The following LSAMP variants were observed in gnomAD, a reference collection of about 807,000 sequenced individuals.
The protein encoded by LSAMP is limbic system-associated membrane protein.
LSAMP carries 7 observed loss-of-function variants against 38.6 expected under a neutral mutation model. The observed-to-expected ratio is 0.18, with a 90% confidence interval of 0.10 to 0.34. LSAMP has a LOEUF of 0.34. LSAMP is among the 10% of genes least tolerant of loss of function. LSAMP has a pLI of 1.00. For missense variants in LSAMP, 313 were observed against 420.0 expected (o/e 0.75, Z 2.23); for synonymous variants, 154 against 166.8 (o/e 0.92, Z 0.59).
At chr3:116,435,196 G>A (rs1161174066) in intron 1 of LSAMP, among the ~76,000 whole-genome samples, 2 of 152,072 alleles carry the variant, frequency 1.3e-5, no homozygotes, top group Non-Finnish European at 2.9e-5. Context: ...CTATAGCTTT[G>A]GTACAGAGCT....
At chr3:116,330,098 G>C (rs779536281) in intron 1 of LSAMP, among the ~76,000 whole-genome samples, 31 of 152,100 alleles carry the variant, frequency 2.0e-4, no homozygotes, top group Non-Finnish European at 4.0e-4. Context: ...AGAGGATTCT[G>C]GGAAGATGGC....
chr3:116,177,797 C>T (rs921554960), intron 1 of LSAMP, among the ~76,000 whole-genome samples: 2 of 152,034 alleles, frequency 1.3e-5, no homozygotes, highest in Non-Finnish European at 2.9e-5. Flanking sequence ...TTATTGAGCA[C>T]CTACTATAGG....
intron 1 of LSAMP, among the ~76,000 whole-genome samples, chr3:116,407,825 C>G (rs1189410004): frequency 2.0e-5 from 3 of 152,064 alleles, no homozygotes; most frequent in East Asian, 1.9e-4. Flanking sequence ...TTCTTAACTC[C>G]AGACCCAACT....
intron 1 of LSAMP, among the ~76,000 whole-genome samples, chr3:116,420,939 G>A (rs530814359): frequency 1.3e-5 from 2 of 152,234 alleles, no homozygotes; most frequent in African/African-American, 2.4e-5. Flanking sequence ...AGGAAAGATA[G>A]TCTTTTCAAC....
intron 1 of LSAMP, among the ~76,000 whole-genome samples, chr3:116,273,707 T>TATATATATATATATATACAC (rs1307543165): frequency 4.6e-4 from 47 of 102,570 alleles, no homozygotes; most frequent in East Asian, 1.4e-3. Flanking sequence ...TATATATATA[T>TATATATATATATATATACAC]ACACACACAC....
intron 3 of LSAMP, among the ~76,000 whole-genome samples, chr3:115,932,236 C>CTT (rs920453341): frequency 1.3e-5 from 2 of 152,100 alleles, no homozygotes; most frequent in African/African-American, 4.8e-5. Context: ...AGATACTGAA[C>CTT]TTGTGTCTTA....
intron 1 of LSAMP, among the ~76,000 whole-genome samples, chr3:116,272,065 GC>G (rs1559807641): frequency 6.6e-6 from 1 of 151,922 alleles, no homozygotes; most frequent in Non-Finnish European, 1.5e-5. Flanking sequence ...AATTCTCAAA[GC>G]CCTTTTTATC....
At chr3:116,332,304 G>A (rs1369954162) in intron 1 of LSAMP, among the ~76,000 whole-genome samples, 2 of 151,780 alleles carry the variant, frequency 1.3e-5, no homozygotes, top group African/African-American at 4.8e-5. Context: ...TTATATTTTG[G>A]GGCACAAAAT....
intron 3 of LSAMP, among the ~76,000 whole-genome samples, chr3:115,957,078 C>G (rs1938476817): frequency 6.6e-6 from 1 of 152,124 alleles, no homozygotes; most frequent in Non-Finnish European, 1.5e-5. Flanking sequence ...GATTCTATCT[C>G]CACTCCTCTT....
intron 2 of LSAMP, among the ~76,000 whole-genome samples, chr3:116,058,208 A>C (rs1330117589): frequency 6.6e-6 from 1 of 152,206 alleles, no homozygotes; most frequent in African/African-American, 2.4e-5. Flanking sequence ...TCTTTGGTAT[A>C]GGCAAGTCAT....
intron 1 of LSAMP, among the ~76,000 whole-genome samples, chr3:116,354,591 A>T (rs952723064): frequency 1.3e-5 from 2 of 152,162 alleles, no homozygotes; most frequent in Admixed American, 1.3e-4. Context: ...GATGAAGGAG[A>T]TCCTTCAAGT....
chr3:115,897,208 A>G (rs1936750989), intron 3 of LSAMP, among the ~76,000 whole-genome samples: 1 of 152,100 alleles, frequency 6.6e-6, no homozygotes, highest in African/African-American at 2.4e-5. Flanking sequence ...CTATTAATAA[A>G]GCTGATCATT....
intron 1 of LSAMP, among the ~76,000 whole-genome samples, chr3:116,145,766 T>C (rs566786957): frequency 1.3e-5 from 2 of 152,076 alleles, no homozygotes; most frequent in African/African-American, 4.8e-5. Context: ...TATGCCTTTA[T>C]TTTGATTTGC....
At chr3:115,880,054 A>T (rs1914045) in intron 3 of LSAMP, among the ~76,000 whole-genome samples, 22,895 of 152,174 alleles carry the variant, frequency 0.15, 2,119 homozygotes, top group African/African-American at 0.26. Context: ...AGATTTGAAT[A>T]CACTGAATGC....
At chr3:116,404,086 C>G (rs2048873609) in intron 1 of LSAMP, among the ~76,000 whole-genome samples, 1 of 151,894 alleles carries the variant, frequency 6.6e-6, no homozygotes, top group African/African-American at 2.4e-5. Context: ...TATTTTTCCC[C>G]TAAAGTTTTA....
At chr3:116,179,192 C>T (rs1376412004) in intron 1 of LSAMP, among the ~76,000 whole-genome samples, 6 of 152,156 alleles carry the variant, frequency 3.9e-5, no homozygotes, top group African/African-American at 1.4e-4. Flanking sequence ...ATGCTGCTTC[C>T]TGCTGTACTT....
intron 1 of LSAMP, among the ~76,000 whole-genome samples, chr3:116,372,086 A>T (rs2048437142): frequency 6.6e-6 from 1 of 152,074 alleles, no homozygotes. Flanking sequence ...CACTATTAAG[A>T]TATCAATACT....
chr3:116,193,912 C>T (rs1429316034), intron 1 of LSAMP, among the ~76,000 whole-genome samples: 1 of 150,942 alleles, frequency 6.6e-6, no homozygotes, highest in African/African-American at 2.4e-5. Flanking sequence ...CAGTCATCAT[C>T]CCTTTGCTGA....
At chr3:116,166,891 C>T (rs565609745) in intron 1 of LSAMP, among the ~76,000 whole-genome samples, 4 of 148,758 alleles carry the variant, frequency 2.7e-5, no homozygotes, top group East Asian at 4.1e-4. Context: ...CCTGGGTTCA[C>T]GCCATTCTCC....
Sources: allele counts gnomAD v4.1 joint callset (sites outside exome capture counted in the v4.1 genomes callset), GRCh38; gene constraint gnomAD v4.1.1; transcripts MANE v1.5; gene names NCBI Gene and HGNC (gene_info 2026-07-23, HGNC 2026-07-21).